The following RASAL2 variants were observed in gnomAD, a reference collection of about 807,000 sequenced individuals.
The protein encoded by RASAL2 is RAS protein activator like 2.
A neutral mutation model predicts 128.9 loss-of-function variants in RASAL2; 58 were observed. The ratio of observed to expected loss-of-function variants is 0.45; its 90% CI spans 0.36 to 0.56. The LOEUF (loss-of-function observed/expected upper bound fraction) is 0.56. Among genes scored for constraint, RASAL2 ranks in the 20% least tolerant of loss-of-function variants. The probability of loss-of-function intolerance (pLI) is 0.00; values close to 1 mark genes in which losing one functional copy is unlikely to be tolerated. For synonymous variants in RASAL2, 561 were observed against 580.8 expected, an observed-to-expected ratio of 0.97 and a Z score of 0.49; for missense variants, 1,360 against 1,601.6, an observed-to-expected ratio of 0.85 and a Z score of 2.57.
intron 5 of RASAL2, among the ~76,000 whole-genome samples, chr1:178,434,906 A>C (rs975530503): frequency 4.6e-5 from 7 of 152,070 alleles, no homozygotes; most frequent in African/African-American, 1.7e-4. Flanking sequence ...ATTTTTCCCA[A>C]AGTGAAAGCT....
chr1:178,462,510 A>T (rs1285985053), intron 14 of RASAL2, among the ~76,000 whole-genome samples: 1 of 152,156 alleles, frequency 6.6e-6, no homozygotes, highest in African/African-American at 2.4e-5. Context: ...TTTGAAGAAC[A>T]TACTACAACA....
intron 1 of RASAL2, among the ~76,000 whole-genome samples, chr1:178,154,142 ATT>A (rs59387394): frequency 5.8e-5 from 8 of 136,852 alleles, no homozygotes; most frequent in Non-Finnish European, 8.0e-5. Context: ...GGCCTGATTG[ATT>A]TTTTTTTTTT....
chr1:178,162,397 ATATATTT>A (rs1661347287), intron 1 of RASAL2, among the ~76,000 whole-genome samples: 1 of 114,672 alleles, frequency 8.7e-6, no homozygotes, highest in Non-Finnish European at 1.7e-5. Flanking sequence ...TATATATATT[ATATATTT>A]TATATATTAT....
At chr1:178,432,055 T>C (rs891677311) in intron 5 of RASAL2, among the ~76,000 whole-genome samples, 3 of 151,706 alleles carry the variant, frequency 2.0e-5, no homozygotes, top group African/African-American at 7.2e-5. Context: ...TTTTTTATTC[T>C]TTACCTTCTA....
At chr1:178,366,513 A>G (rs1671404466) in intron 3 of RASAL2, among the ~76,000 whole-genome samples, 1 of 151,436 alleles carries the variant, frequency 6.6e-6, no homozygotes, top group East Asian at 2.0e-4. Context: ...TAGGGAGAAA[A>G]TGTGGTGATT....
At chr1:178,347,931 T>C (rs1305996589) in intron 3 of RASAL2, among the ~76,000 whole-genome samples, 1 of 152,222 alleles carries the variant, frequency 6.6e-6, no homozygotes, top group Admixed American at 6.5e-5. Flanking sequence ...AATGAATAAA[T>C]TGTGGTTTGC....
chr1:178,103,480 G>A (rs1310365028), intron 1 of RASAL2, among the ~76,000 whole-genome samples: 1 of 151,994 alleles, frequency 6.6e-6, no homozygotes, highest in South Asian at 2.1e-4. Flanking sequence ...TACTTCGCCC[G>A]CAATATATGA....
At chr1:178,257,212 C>G (rs1665400070) in intron 1 of RASAL2, among the ~76,000 whole-genome samples, 1 of 152,104 alleles carries the variant, frequency 6.6e-6, no homozygotes, top group Admixed American at 6.6e-5. Flanking sequence ...ACAAAATGGT[C>G]CACAGATTCA....
chr1:178,447,329 A>T (rs185341279), intron 9 of RASAL2, among the ~76,000 whole-genome samples: 2 of 150,788 alleles, frequency 1.3e-5, no homozygotes, highest in East Asian at 1.9e-4. Flanking sequence ...CTTAAAAAAA[A>T]TAAATAAATA....
At chr1:178,416,639 T>A (rs2102730425) in intron 4 of RASAL2, among the ~76,000 whole-genome samples, 1 of 152,242 alleles carries the variant, frequency 6.6e-6, no homozygotes, top group Non-Finnish European at 1.5e-5. Context: ...TTTTTTGCAA[T>A]GCTGGTCTAC....
intron 3 of RASAL2, among the ~76,000 whole-genome samples, chr1:178,304,930 G>C (rs1667922753): frequency 6.6e-6 from 1 of 152,070 alleles, no homozygotes; most frequent in Non-Finnish European, 1.5e-5. Context: ...AAACTGTTAG[G>C]ACTGATAAAC....
intron 5 of RASAL2, 59 bp downstream of exon 5, chr1:178,420,679 C>A: frequency 1.6e-6 from 2 of 1,271,498 alleles, no homozygotes; most frequent in South Asian, 1.4e-5. Flanking sequence ...TTTGTTAAGG[C>A]ATTTTGGTCT....
At chr1:178,307,062 C>T (rs902322746) in intron 3 of RASAL2, among the ~76,000 whole-genome samples, 3 of 149,796 alleles carry the variant, frequency 2.0e-5, no homozygotes, top group Middle Eastern at 3.5e-3. Flanking sequence ...AAATAAATTG[C>T]GAAGAAGACA....
intron 1 of RASAL2, among the ~76,000 whole-genome samples, chr1:178,272,302 A>G (rs1054260476): frequency 6.6e-6 from 1 of 152,226 alleles, no homozygotes; most frequent in Non-Finnish European, 1.5e-5. Context: ...TATACGTCAG[A>G]ATAACTGAAT....
chr1:178,441,079 T>C (rs1174457064), intron 6 of RASAL2, among the ~76,000 whole-genome samples: 2 of 127,106 alleles, frequency 1.6e-5, no homozygotes, highest in Admixed American at 1.6e-4. Context: ...AAATGGCCTT[T>C]GTTCTCATAC....
Position 178,350,730 on chromosome 1 carries a change from A to G in RASAL2, c.458-39370A>G, listed in dbSNP as rs538609606. On this transcript the variant is annotated intron_variant, in intron 3 of 17. Transcript: ENST00000367649. Reference sequence around the variant, plus strand: ...CCCTGTTTTTTGGCTTGCTGTTGGCAAGGAGTCACTCCTAGCTTCTAGAGG... The same window carrying G: ...CCCTGTTTTTTGGCTTGCTGTTGGCGAGGAGTCACTCCTAGCTTCTAGAGG... Among the ~76,000 whole-genome samples, 4 of 152,270 alleles carry G rather than the reference A, an allele frequency of 2.6e-5. No homozygotes were observed. In the South Asian group the frequency reaches 6.2e-4, roughly 24 times the overall value.
rs1044000805 is a variant in RASAL2 at position 178,464,208 on chromosome 1, A to G, written c.3253-70A>G. On this transcript the variant is annotated intron_variant, in intron 14 of 17. Coordinates refer to ENST00000367649, the MANE Select transcript of RASAL2 (RefSeq NM_170692.4). ...AGATCACAGTTAATGTCTTCCAAGA[A>G]TAGCTGTTTGTGAAACATAGCACAC... 6.7e-6 allele frequency: 10 copies of G among 1,489,020 alleles called. No homozygotes were observed. In the African/African-American group the frequency reaches 1.4e-4, roughly 21 times the overall value. 92.2% of individuals were successfully genotyped at this position (1,489,020 alleles called of 1,614,324 possible).
chr1:178,441,624 C>T lies in RASAL2; in HGVS notation c.904C>T (p.Arg302Cys), dbSNP rs201599766. Reference sequence around the variant, plus strand: ...GAGAGACAAGTGGATGGAAAACCTTCGCAGGACAGTTCAACCTAATAAGGT... The same window carrying T: ...GAGAGACAAGTGGATGGAAAACCTTTGCAGGACAGTTCAACCTAATAAGGT... ...SERDKWMENL[R>C]RTVQPNKDNC... Residue 302 changes from arginine (R) to cysteine (C), a missense_variant, in exon 7 of 18, where the codon CGC becomes TGC. By Grantham distance (180) the Arg-to-Cys change is radical (BLOSUM62 -3). Coordinates refer to ENST00000367649, the MANE Select transcript of RASAL2 (RefSeq NM_170692.4). 9.3e-6 allele frequency: 15 copies of T among 1,612,102 alleles called. No homozygotes were observed. The highest frequency in any genetic ancestry group is 4.5e-5 in the East Asian group (2 of 44,756).
intron 1 of RASAL2, among the ~76,000 whole-genome samples, chr1:178,221,265 G>A (rs1014066609): frequency 2.6e-5 from 4 of 152,058 alleles, no homozygotes; most frequent in Non-Finnish European, 4.4e-5. Flanking sequence ...ATTTTTAATT[G>A]ATTTCATTGA....
Sources: allele counts gnomAD v4.1 joint callset (sites outside exome capture counted in the v4.1 genomes callset), GRCh38; gene constraint gnomAD v4.1.1; transcripts MANE v1.5; gene names NCBI Gene and HGNC (gene_info 2026-07-23, HGNC 2026-07-21).